Variants in NRG3 observed in about 807,000 individuals in gnomAD.
NRG3 encodes the protein neuregulin 3, also known as pro-neuregulin-3, membrane-bound isoform.
Under a neutral mutation model 66.9 loss-of-function variants are expected in NRG3, and 31 were observed. The observed-to-expected ratio is 0.46, with a 90% CI of 0.35 to 0.63. The LOEUF (loss-of-function observed/expected upper bound fraction) is 0.63, where lower values mean the gene tolerates loss of function less well. Among genes scored for constraint, NRG3 ranks in the 20% least tolerant of loss-of-function variants. NRG3 has a pLI of 0.00. For missense variants in NRG3, 910 were observed against 878.9 expected (o/e 1.04, Z -0.45); for synonymous variants, 393 against 359.4 (o/e 1.09, Z -1.06).
At chr10:82,887,999 C>A (rs1842858221) in intron 4 of NRG3, among the ~76,000 whole-genome samples, 1 of 152,058 alleles carries the variant, frequency 6.6e-6, no homozygotes, top group Admixed American at 6.6e-5. Flanking sequence ...ATTTAAATAA[C>A]CATTTAATTT....
At chr10:82,634,820 G>A (rs1357546629) in intron 2 of NRG3, among the ~76,000 whole-genome samples, 2 of 152,178 alleles carry the variant, frequency 1.3e-5, no homozygotes, top group East Asian at 3.9e-4. Context: ...GTTGGATAGA[G>A]TGTTGGATTT....
At chr10:82,853,448 T>G (rs1431716164) in intron 3 of NRG3, among the ~76,000 whole-genome samples, 1 of 152,240 alleles carries the variant, frequency 6.6e-6, no homozygotes, top group Non-Finnish European at 1.5e-5. Context: ...TCCATTTGTT[T>G]GTGTCATCTA....
chr10:82,074,140 A>G (rs1245489364), intron 1 of NRG3, among the ~76,000 whole-genome samples: 2 of 151,652 alleles, frequency 1.3e-5, no homozygotes, highest in East Asian at 1.9e-4. Flanking sequence ...TAGGGTGCTC[A>G]GAGATGGCCA....
intron 2 of NRG3, among the ~76,000 whole-genome samples, chr10:82,446,746 A>G (rs1345944341): frequency 6.6e-6 from 1 of 152,182 alleles, no homozygotes; most frequent in Non-Finnish European, 1.5e-5. Flanking sequence ...GTACACATTT[A>G]TCTATGTTAC....
chr10:82,369,761 G>A (rs1272100765), intron 2 of NRG3, among the ~76,000 whole-genome samples: 1 of 138,938 alleles, frequency 7.2e-6, no homozygotes, highest in Non-Finnish European at 1.5e-5. Flanking sequence ...CATATACTAT[G>A]TGGATTTTTC....
chr10:82,100,573 T>C (rs181884354), intron 1 of NRG3, among the ~76,000 whole-genome samples: 197 of 152,226 alleles, frequency 1.3e-3, no homozygotes, highest in Middle Eastern at 3.4e-3. Context: ...CCATCTATTT[T>C]AGTGTTCTGA....
intron 1 of NRG3, among the ~76,000 whole-genome samples, chr10:82,031,753 T>G (rs976070126): frequency 6.6e-6 from 1 of 152,104 alleles, no homozygotes; most frequent in Admixed American, 6.6e-5. Context: ...TGATCTTTAG[T>G]CCTTATTAAT....
chr10:82,856,157 C>G (rs1253564504), intron 3 of NRG3, among the ~76,000 whole-genome samples: 1 of 152,114 alleles, frequency 6.6e-6, no homozygotes, highest in East Asian at 1.9e-4. Flanking sequence ...TGGGTATGCT[C>G]TGAAAGACAT....
chr10:82,956,768 G>A (rs1046404509), intron 5 of NRG3, among the ~76,000 whole-genome samples: 5 of 151,674 alleles, frequency 3.3e-5, no homozygotes, highest in East Asian at 3.9e-4. Context: ...TTGTGTGTGC[G>A]AATGAACCCC....
intron 2 of NRG3, among the ~76,000 whole-genome samples, chr10:82,647,787 C>T (rs1429555932): frequency 6.6e-6 from 1 of 152,040 alleles, no homozygotes; most frequent in Non-Finnish European, 1.5e-5. Context: ...TGTTTTTTGG[C>T]TGCATAATTG....
At chr10:82,441,115 G>A (rs1444037028) in intron 2 of NRG3, among the ~76,000 whole-genome samples, 5 of 152,172 alleles carry the variant, frequency 3.3e-5, no homozygotes, top group Admixed American at 2.6e-4. Context: ...AAATATTGGA[G>A]CAATTTGTAG....
chr10:81,990,798 T>C (rs2060709785), intron 1 of NRG3, among the ~76,000 whole-genome samples: 2 of 152,150 alleles, frequency 1.3e-5, no homozygotes, highest in South Asian at 2.1e-4. Context: ...TAGAACTTAA[T>C]TGAATTATAT....
chr10:82,272,718 A>T (rs2078659607), intron 1 of NRG3, among the ~76,000 whole-genome samples: 1 of 152,048 alleles, frequency 6.6e-6, no homozygotes, highest in Non-Finnish European at 1.5e-5. Flanking sequence ...AATAATTTTC[A>T]GTGTGGCCCT....
chr10:82,670,207 TC>T (rs2053156804), intron 2 of NRG3, among the ~76,000 whole-genome samples: 1 of 152,136 alleles, frequency 6.6e-6, no homozygotes, highest in African/African-American at 2.4e-5. Flanking sequence ...CCACTACTCA[TC>T]ATGTCTCCCT....
At chr10:82,736,144 T>C (rs750471878) in intron 2 of NRG3, among the ~76,000 whole-genome samples, 1 of 152,032 alleles carries the variant, frequency 6.6e-6, no homozygotes, top group Non-Finnish European at 1.5e-5. Flanking sequence ...CACTCAACTC[T>C]CCCCCAAAAA....
chr10:82,381,517 C>A (rs2085615893), intron 2 of NRG3, among the ~76,000 whole-genome samples: 1 of 152,124 alleles, frequency 6.6e-6, no homozygotes, highest in Non-Finnish European at 1.5e-5. Context: ...GATCAGCCTC[C>A]AGAGCTTAGA....
rs1846125030 is a variant in NRG3, at chr10:82,918,748, G to T, written c.1055-32721G>T. On this transcript the variant is annotated intron_variant, in intron 4 of 8. Transcript: ENST00000372141. ...TCGGTTATTTATTTTCAACTCCTGG[G>T]ATTCCTTCCCATGATTACAGTAGTT... is the stretch of plus-strand genomic sequence containing the variant. 2.0e-5 allele frequency among the ~76,000 whole-genome samples: 3 copies of T among 152,090 alleles called. No individual in the cohort carries two copies. The South Asian group carries it at 6.2e-4, about 31-fold the overall frequency.
At chr10:82,170,708 A>G (rs977962742) in intron 1 of NRG3, among the ~76,000 whole-genome samples, 12 of 143,044 alleles carry the variant, frequency 8.4e-5, no homozygotes, top group Non-Finnish European at 1.8e-4. Flanking sequence ...GTAAATATAT[A>G]TAGGTATATA....
At chr10:81,924,365 A>C (rs1846559151) in intron 1 of NRG3, among the ~76,000 whole-genome samples, 1 of 152,260 alleles carries the variant, frequency 6.6e-6, no homozygotes, top group Non-Finnish European at 1.5e-5. Context: ...ATGTAAATAA[A>C]AGCATTTAGA....
Sources: allele counts gnomAD v4.1 joint callset (sites outside exome capture counted in the v4.1 genomes callset), GRCh38; gene constraint gnomAD v4.1.1; transcripts MANE v1.5; gene names NCBI Gene and HGNC (gene_info 2026-07-23, HGNC 2026-07-21).